GPC5: variants seen among roughly 807,000 people sequenced by gnomAD.
GPC5 encodes glypican 5.
GPC5 carries 47 observed loss-of-function variants against 53.9 expected under a neutral mutation model. The ratio of observed to expected loss-of-function variants is 0.87; its 90% confidence interval spans 0.69 to 1.11. GPC5 has a LOEUF of 1.11. GPC5 is among the 50% of genes most tolerant of loss of function. The pLI is 0.00. For missense variants in GPC5, 748 were observed against 713.1 expected (o/e 1.05, Z -0.56); for synonymous variants, 286 against 263.3 (o/e 1.09, Z -0.84).
intron 1 of GPC5, among the ~76,000 whole-genome samples, chr13:91,437,532 T>C (rs946934903): frequency 4.6e-5 from 7 of 152,238 alleles, no homozygotes; most frequent in Admixed American, 2.6e-4. Flanking sequence ...TCTTCTGGCT[T>C]GTAGAGTTTC....
Position 91,448,838 on chromosome 13 carries a change from G to T in GPC5, c.241G>T (p.Ala81Ser), listed in dbSNP as rs747208506. ...RKMEERYQIA[A>S]RQDMQQFLQT... ...GATGGAGGAGAGATATCAGATTGCG[G>T]CTCGCCAGGATATGCAGCAGTTTCT... Residue 81 changes from alanine (A) to serine (S), a missense_variant, in exon 2 of 8, where the codon GCT (alanine) becomes TCT (serine). Physicochemically the swap from Ala to Ser is moderately conservative, Grantham distance 99. Coordinates refer to ENST00000377067, the MANE Select transcript of GPC5 (RefSeq NM_004466.6). The T allele has an allele frequency of 2.5e-6, 4 of 1,613,702 alleles. No homozygotes were observed. The Admixed American group carries it at 6.7e-5, about 27-fold the overall frequency.
At chr13:91,517,260 A>G (rs529470466) in intron 2 of GPC5, among the ~76,000 whole-genome samples, 2 of 152,294 alleles carry the variant, frequency 1.3e-5, no homozygotes, top group Admixed American at 6.5e-5. Flanking sequence ...ATAAAACTGA[A>G]TGCCTTTAAC....
At chr13:92,249,783 C>T (rs2042679467) in intron 7 of GPC5, among the ~76,000 whole-genome samples, 2 of 152,002 alleles carry the variant, frequency 1.3e-5, no homozygotes, top group South Asian at 2.1e-4. Flanking sequence ...GTTTTGTCAA[C>T]ATCTTATTCC....
At chr13:92,263,978 T>A (rs1299271328) in intron 7 of GPC5, among the ~76,000 whole-genome samples, 1 of 152,168 alleles carries the variant, frequency 6.6e-6, no homozygotes, top group Non-Finnish European at 1.5e-5. Context: ...TCAAAAGCAT[T>A]TGGAGTGATG....
At chr13:91,972,878 T>C (rs563199463) in intron 6 of GPC5, among the ~76,000 whole-genome samples, 1 of 152,324 alleles carries the variant, frequency 6.6e-6, no homozygotes, top group Admixed American at 6.5e-5. Flanking sequence ...AACCCTACCT[T>C]TCTCTCTGGC....
intron 2 of GPC5, among the ~76,000 whole-genome samples, chr13:91,609,074 T>G (rs888923854): frequency 1.9e-5 from 1 of 52,782 alleles, no homozygotes; most frequent in African/African-American, 4.4e-5. Flanking sequence ...ATAGTGTCCT[T>G]GTCAGGGAAG....
chr13:91,748,460 G>T (rs1168406706), intron 4 of GPC5, among the ~76,000 whole-genome samples: 2 of 152,158 alleles, frequency 1.3e-5, no homozygotes, highest in East Asian at 3.9e-4. Flanking sequence ...CACTATCATT[G>T]TGTAACACAT....
chr13:91,525,391 C>T (rs921524865), intron 2 of GPC5, among the ~76,000 whole-genome samples: 2 of 152,062 alleles, frequency 1.3e-5, no homozygotes, highest in Non-Finnish European at 2.9e-5. Context: ...TATACCACTG[C>T]TTAGGTTATA....
chr13:92,812,038 A>G (rs1369519187), intron 7 of GPC5, among the ~76,000 whole-genome samples: 2 of 151,872 alleles, frequency 1.3e-5, no homozygotes, highest in African/African-American at 4.8e-5. Context: ...GAGTTCTCCA[A>G]TTTTATTCCT....
intron 6 of GPC5, among the ~76,000 whole-genome samples, chr13:91,937,369 C>T (rs1406755727): frequency 7.9e-5 from 12 of 152,072 alleles, no homozygotes; most frequent in East Asian, 3.9e-4. Context: ...TCTCTTTTTA[C>T]GTGATGTTTC....
intron 4 of GPC5, among the ~76,000 whole-genome samples, chr13:91,732,703 G>A (rs746303868): frequency 9.9e-4 from 151 of 152,230 alleles, no homozygotes; most frequent in Middle Eastern, 3.4e-3. Context: ...TTTATATAGG[G>A]TGTAAGGAAG....
chr13:91,989,746 C>T (rs2040440280), intron 6 of GPC5, among the ~76,000 whole-genome samples: 1 of 152,062 alleles, frequency 6.6e-6, no homozygotes, highest in African/African-American at 2.4e-5. Flanking sequence ...TACTATTTTG[C>T]AAGAATTATA....
At chr13:91,922,774 G>A (rs186004339) in intron 6 of GPC5, among the ~76,000 whole-genome samples, 58 of 152,142 alleles carry the variant, frequency 3.8e-4, no homozygotes, top group Non-Finnish European at 7.9e-4. Flanking sequence ...AGGTATCTAG[G>A]TTCTTCCACT....
At chr13:92,775,818 A>C (rs1487082762) in intron 7 of GPC5, among the ~76,000 whole-genome samples, 2 of 152,214 alleles carry the variant, frequency 1.3e-5, no homozygotes, top group Admixed American at 1.3e-4. Context: ...CAACGGTCTT[A>C]AATCGGCTTC....
intron 7 of GPC5, among the ~76,000 whole-genome samples, chr13:92,754,472 C>T (rs1233504705): frequency 1.3e-5 from 2 of 151,918 alleles, no homozygotes; most frequent in Non-Finnish European, 2.9e-5. Flanking sequence ...CAAATTCACA[C>T]ATAACAATAT....
chr13:92,509,957 C>A (rs1300743880), intron 7 of GPC5: 1 of 152,150 alleles, frequency 6.6e-6, no homozygotes, highest in Non-Finnish European at 1.5e-5. Flanking sequence ...ATGCTATACA[C>A]ATACTCTAAA....
intron 2 of GPC5, among the ~76,000 whole-genome samples, chr13:91,621,761 T>TTATATA (rs1555331079): frequency 6.4e-5 from 3 of 46,874 alleles, no homozygotes; most frequent in African/African-American, 1.7e-4. Context: ...GGACAGAACA[T>TTATATA]TATATATATA....
At chr13:91,670,194 A>T (rs2035212353) in intron 2 of GPC5, among the ~76,000 whole-genome samples, 1 of 152,196 alleles carries the variant, frequency 6.6e-6, no homozygotes, top group Admixed American at 6.5e-5. Flanking sequence ...AAATGCCAGG[A>T]TACAATTTTC....
chr13:92,199,138 T>C (rs764794634), intron 7 of GPC5, among the ~76,000 whole-genome samples: 3 of 152,196 alleles, frequency 2.0e-5, no homozygotes, highest in Non-Finnish European at 4.4e-5. Context: ...CCATTTAGAA[T>C]TGGATTTTTG....
Sources: allele counts gnomAD v4.1 joint callset (sites outside exome capture counted in the v4.1 genomes callset), GRCh38; gene constraint gnomAD v4.1.1; transcripts MANE v1.5; gene names NCBI Gene and HGNC (gene_info 2026-07-23, HGNC 2026-07-21).